The following ELAPOR2 variants were observed in gnomAD, a reference collection of about 807,000 sequenced individuals.
ELAPOR2 encodes endosome/lysosome-associated apoptosis and autophagy regulator family member 2.
ELAPOR2 carries 89 observed loss-of-function variants against 120.7 expected under a neutral mutation model. The observed-to-expected ratio is 0.74, with a 90% CI of 0.62 to 0.88. ELAPOR2 has a LOEUF of 0.88. Ranked by LOEUF, ELAPOR2 falls within the 40% of genes least tolerant of loss-of-function variation. The pLI is 0.00. For missense variants in ELAPOR2, 1,134 were observed against 1,251.6 expected (o/e 0.91, Z 1.42); for synonymous variants, 444 against 444.9 (o/e 1.00, Z 0.03).
At chr7:86,941,610 C>G (rs1351934803) in intron 5 of ELAPOR2, among the ~76,000 whole-genome samples, 1 of 152,020 alleles carries the variant, frequency 6.6e-6, no homozygotes, top group Non-Finnish European at 1.5e-5. Flanking sequence ...ACAGATCCTT[C>G]CAATGAAAAG....
At chr7:87,010,768 C>T in intron 1 of ELAPOR2, among the ~76,000 whole-genome samples, 1 of 151,918 alleles carries the variant, frequency 6.6e-6, no homozygotes. Flanking sequence ...CTTACATGTT[C>T]AGGACAGATG....
rs1045879465 is a variant in ELAPOR2 at position 86,880,315 on chromosome 7, A to G, written c.*156T>C. 32 of 667,386 alleles carry G rather than the reference A, an allele frequency of 4.8e-5. No individual in the cohort carries two copies. Among genetic ancestry groups the G allele is most frequent in the Non-Finnish European group, 8.5e-5 (32 of 374,724 alleles). 41.3% of individuals were successfully genotyped at this position (667,386 alleles called of 1,614,324 possible). A position where few individuals can be genotyped will look rare whatever the true frequency, so the allele number is the denominator to read the frequency against. Reference sequence around the variant, plus strand: ...AAGGTACTTGACCATGTGATAAGGCAATCAAATGTTTCAATCTCCTTCCCT... The same window carrying G: ...AAGGTACTTGACCATGTGATAAGGCGATCAAATGTTTCAATCTCCTTCCCT... On this transcript the variant is annotated 3_prime_UTR_variant, in exon 22 of 22. Coordinates refer to ENST00000450689, the MANE Select transcript of ELAPOR2 (RefSeq NM_001142749.3).
chr7:87,050,226 G>A (rs1795061157), intron 1 of ELAPOR2, among the ~76,000 whole-genome samples: 1 of 152,138 alleles, frequency 6.6e-6, no homozygotes, highest in South Asian at 2.1e-4. Context: ...TTGGACCTTT[G>A]ATATAGTTTG....
At chr7:86,929,875 C>A (rs1344973589) in intron 8 of ELAPOR2, among the ~76,000 whole-genome samples, 1 of 151,888 alleles carries the variant, frequency 6.6e-6, no homozygotes, top group Non-Finnish European at 1.5e-5. Flanking sequence ...CCCCTTCTCT[C>A]TCTTCCTCCT....
intron 1 of ELAPOR2, among the ~76,000 whole-genome samples, chr7:87,012,690 CA>C (rs1477708722): frequency 6.6e-6 from 1 of 152,012 alleles, no homozygotes; most frequent in African/African-American, 2.4e-5. Flanking sequence ...TTCATTGCAA[CA>C]AAAATAAAAT....
At chr7:86,963,428 C>A (rs1205333741) in intron 2 of ELAPOR2, among the ~76,000 whole-genome samples, 1 of 152,072 alleles carries the variant, frequency 6.6e-6, no homozygotes, top group Non-Finnish European at 1.5e-5. Flanking sequence ...GGAAGGGATG[C>A]CCTTGATTTG....
Position 86,945,186 on chromosome 7 carries a change from G to A in ELAPOR2, c.507-140C>T, listed in dbSNP as rs1266414490. The A allele has an allele frequency of 7.6e-6, 5 of 658,188 alleles. No individual in the cohort carries two copies. The African/African-American group carries it at 7.7e-5, about 10-fold the overall frequency. The allele number at this position is 658,188 out of a possible 1,614,324, so 40.8% of individuals were successfully genotyped here. ...CACCAGAAGCTTTTCCAGACTCAAA[G>A]GCCAACTTTATTACTGAGAAGAGGT... On this transcript the variant is annotated intron_variant, in intron 3 of 21. Coordinates refer to ENST00000450689, the MANE Select transcript of ELAPOR2 (RefSeq NM_001142749.3).
At chr7:87,040,009 G>T (rs879273274) in intron 1 of ELAPOR2, among the ~76,000 whole-genome samples, 1 of 152,048 alleles carries the variant, frequency 6.6e-6, no homozygotes, top group Non-Finnish European at 1.5e-5. Context: ...AAGGGGTGAC[G>T]GACGGCACCT....
intron 20 of ELAPOR2, among the ~76,000 whole-genome samples, chr7:86,892,449 A>G (rs935627230): frequency 4.6e-5 from 7 of 152,080 alleles, no homozygotes; most frequent in African/African-American, 1.4e-4. Flanking sequence ...ATTAGGCTCA[A>G]TATTCAATTC....
intron 1 of ELAPOR2, among the ~76,000 whole-genome samples, chr7:87,051,709 C>T (rs1224897578): frequency 6.6e-6 from 1 of 152,292 alleles, no homozygotes; most frequent in African/African-American, 2.4e-5. Context: ...TAACAAGACA[C>T]AACTTTGCAG....
intron 1 of ELAPOR2, among the ~76,000 whole-genome samples, chr7:87,008,633 G>A (rs1793559496): frequency 1.3e-5 from 2 of 152,186 alleles, no homozygotes; most frequent in African/African-American, 2.4e-5. Flanking sequence ...GGCTTCAAGA[G>A]ATCCACCTGC....
intron 1 of ELAPOR2, among the ~76,000 whole-genome samples, chr7:86,996,688 G>A (rs752446116): frequency 1.3e-5 from 2 of 152,170 alleles, no homozygotes; most frequent in Non-Finnish European, 2.9e-5. Flanking sequence ...TGAAAGTAAC[G>A]ACACCACTTA....
At chr7:87,058,894 T>A (rs1264196763) in intron 1 of ELAPOR2, among the ~76,000 whole-genome samples, 1 of 148,718 alleles carries the variant, frequency 6.7e-6, no homozygotes, top group Non-Finnish European at 1.5e-5. Context: ...GACAGGGGAG[T>A]GGAGACAGGG....
At chr7:86,957,897 A>G (rs1791539409) in intron 2 of ELAPOR2, among the ~76,000 whole-genome samples, 1 of 152,196 alleles carries the variant, frequency 6.6e-6, no homozygotes, top group African/African-American at 2.4e-5. Flanking sequence ...TAAATCCTTA[A>G]AAAATGAGAA....
intron 1 of ELAPOR2, among the ~76,000 whole-genome samples, chr7:87,023,221 C>A (rs1332454670): frequency 2.6e-5 from 4 of 152,116 alleles, no homozygotes; most frequent in African/African-American, 4.8e-5. Context: ...GTCTTTAATC[C>A]ATCTTGAATT....
intron 1 of ELAPOR2, among the ~76,000 whole-genome samples, chr7:86,981,871 A>G (rs1025402211): frequency 6.6e-6 from 1 of 152,216 alleles, no homozygotes; most frequent in Non-Finnish European, 1.5e-5. Context: ...CTCAACTGGG[A>G]AGCACAAGGG....
At chr7:86,936,906 T>G (rs1236892357) in intron 8 of ELAPOR2, among the ~76,000 whole-genome samples, 5 of 152,070 alleles carry the variant, frequency 3.3e-5, no homozygotes, top group Non-Finnish European at 7.4e-5. Flanking sequence ...CCTTTAACCC[T>G]CAGTAACGAT....
At chr7:86,987,549 C>T (rs1266051393) in intron 1 of ELAPOR2, among the ~76,000 whole-genome samples, 1 of 152,172 alleles carries the variant, frequency 6.6e-6, no homozygotes, top group African/African-American at 2.4e-5. Context: ...TATGAACAGA[C>T]ACTTCTCAAA....
chr7:86,982,904 T>TG (rs34897683), intron 1 of ELAPOR2, among the ~76,000 whole-genome samples: 57,442 of 151,786 alleles, frequency 0.38, 11,696 homozygotes, highest in African/African-American at 0.53. Flanking sequence ...TAAAGGAGGA[T>TG]TTCAAACCCA....
Sources: allele counts gnomAD v4.1 joint callset (sites outside exome capture counted in the v4.1 genomes callset), GRCh38; gene constraint gnomAD v4.1.1; transcripts MANE v1.5; gene names NCBI Gene and HGNC (gene_info 2026-07-23, HGNC 2026-07-21).